Variants in STARD6 observed in about 807,000 individuals in gnomAD.
STARD6 encodes the protein StAR related lipid transfer domain containing 6.
STARD6 carries 21 observed loss-of-function variants against 22.3 expected under a neutral mutation model. That is an observed-to-expected ratio of 0.94 (90% CI 0.67 to 1.35). The LOEUF (loss-of-function observed/expected upper bound fraction) is 1.35, where lower values mean the gene tolerates loss of function less well. STARD6 is among the 40% of genes most tolerant of loss of function. The pLI, the probability that STARD6 is intolerant of heterozygous loss-of-function variation, is 0.00. For synonymous variants in STARD6, 80 were observed against 88.1 expected, an observed-to-expected ratio of 0.91 and a Z score of 0.52; for missense variants, 269 against 266.9, an observed-to-expected ratio of 1.01 and a Z score of -0.05.
At chr18:54,357,584 G>C (rs2089166038) in intron 1 of STARD6, among the ~76,000 whole-genome samples, 1 of 152,174 alleles carries the variant, frequency 6.6e-6, no homozygotes, top group African/African-American at 2.4e-5. Flanking sequence ...TCAGCGACCG[G>C]AACGACAGCC....
intron 4 of STARD6, among the ~76,000 whole-genome samples, chr18:54,352,804 C>A (rs2089110267): frequency 6.6e-6 from 1 of 152,140 alleles, no homozygotes; most frequent in Non-Finnish European, 1.5e-5. Context: ...GTATAGCACT[C>A]TCTAAATAAA....
chr18:54,329,459 T>C lies in STARD6; in HGVS notation c.386-19A>G. ...CTTTTAGCTAAGAGATTTTAAAAAATTAAAATGAAACCTATTCACAAAGAG... is the reference window on the plus strand; with the variant it reads ...CTTTTAGCTAAGAGATTTTAAAAAACTAAAATGAAACCTATTCACAAAGAG... On this transcript the variant is annotated intron_variant, in intron 6 of 7. Transcript: ENST00000307844. 3.8e-6 allele frequency: 6 copies of C among 1,564,318 alleles called. No individual in the cohort carries two copies. The highest frequency in any genetic ancestry group is 5.2e-6 in the Non-Finnish European group (6 of 1,155,054).
intron 4 of STARD6, among the ~76,000 whole-genome samples, chr18:54,338,951 G>A (rs1397349416): frequency 2.7e-5 from 4 of 149,850 alleles, no homozygotes; most frequent in South Asian, 4.3e-4. Context: ...GGGAGGCTGA[G>A]GCAGGAGAAT....
chr18:54,352,131 T>C (rs961938857), intron 4 of STARD6, among the ~76,000 whole-genome samples: 6 of 149,180 alleles, frequency 4.0e-5, no homozygotes, highest in Admixed American at 4.0e-4. Context: ...TTGTTTTTGT[T>C]TTTTTTTTTC....
rs1164704776 is a variant in STARD6 at position 54,331,913 on chromosome 18, G to A, written c.268-54C>T. 5 of 1,284,706 alleles carry A rather than the reference G, an allele frequency of 3.9e-6. No individual in the cohort carries two copies. The Admixed American group carries it at 9.7e-5, about 25-fold the overall frequency. The allele number at this position is 1,284,706 out of a possible 1,614,324, so 79.6% of individuals were successfully genotyped here. ...AAACGTTACTTAATATCTATTCTTT[G>A]TATTGTTTCCCCCCCAAATTTTATT... On this transcript the variant is annotated intron_variant, in intron 5 of 7. Coordinates refer to ENST00000307844, the MANE Select transcript of STARD6 (RefSeq NM_139171.2).
chr18:54,340,419 A>G (rs1041475538), intron 4 of STARD6, among the ~76,000 whole-genome samples: 1 of 152,194 alleles, frequency 6.6e-6, no homozygotes, highest in Non-Finnish European at 1.5e-5. Context: ...TAGTTCAAAA[A>G]ATTATTAAAG....
intron 4 of STARD6, among the ~76,000 whole-genome samples, chr18:54,341,020 T>C (rs753732036): frequency 1.5e-4 from 23 of 152,198 alleles, no homozygotes; most frequent in Non-Finnish European, 3.2e-4. Flanking sequence ...GAGAAATAGA[T>C]AATTTCACAA....
At chr18:54,327,728 T>C (rs1045474736) in intron 7 of STARD6, among the ~76,000 whole-genome samples, 3 of 152,156 alleles carry the variant, frequency 2.0e-5, no homozygotes, top group African/African-American at 7.2e-5. Flanking sequence ...AATATAGTTT[T>C]ATAAAATTTT....
intron 4 of STARD6, among the ~76,000 whole-genome samples, chr18:54,340,363 A>G (rs1361158943): frequency 6.6e-6 from 1 of 152,172 alleles, no homozygotes; most frequent in Non-Finnish European, 1.5e-5. Flanking sequence ...GAATTAAAAT[A>G]TATTGTAGCC....
At chr18:54,344,827 G>T (rs2089020482) in intron 4 of STARD6, among the ~76,000 whole-genome samples, 1 of 152,086 alleles carries the variant, frequency 6.6e-6, no homozygotes, top group Admixed American at 6.5e-5. Context: ...TGTGGAAAAA[G>T]CATACGACAA....
chr18:54,355,562 A>G (rs531619728), intron 2 of STARD6, among the ~76,000 whole-genome samples: 1 of 152,288 alleles, frequency 6.6e-6, no homozygotes, highest in African/African-American at 2.4e-5. Flanking sequence ...GCCAGAAGTT[A>G]GCAGTCTGCA....
At chr18:54,336,327 T>C (rs1203370156) in intron 5 of STARD6, among the ~76,000 whole-genome samples, 1 of 152,154 alleles carries the variant, frequency 6.6e-6, no homozygotes, top group African/African-American at 2.4e-5. Context: ...AATCCCCACA[T>C]GTCAAGGGCA....
chr18:54,326,291 A>T (rs983930930), intron 7 of STARD6, among the ~76,000 whole-genome samples: 1 of 151,042 alleles, frequency 6.6e-6, no homozygotes, highest in Non-Finnish European at 1.5e-5. Flanking sequence ...TTTCAGTAAA[A>T]CTTAAGGATC....
intron 4 of STARD6, among the ~76,000 whole-genome samples, chr18:54,344,583 T>TAAAAAAAAAA (rs55736082): frequency 6.1e-4 from 57 of 94,034 alleles, no homozygotes; most frequent in Non-Finnish European, 7.7e-4. Flanking sequence ...AAAAATAAAT[T>TAAAAAAAAAA]AAAAAAAAAA....
At chr18:54,330,894 C>T (rs997358370) in intron 6 of STARD6, among the ~76,000 whole-genome samples, 6 of 151,940 alleles carry the variant, frequency 3.9e-5, no homozygotes, top group South Asian at 4.1e-4. Context: ...AATGAGACAA[C>T]GAAACATATA....
intron 4 of STARD6, among the ~76,000 whole-genome samples, chr18:54,346,259 A>T (rs2089032996): frequency 6.6e-6 from 1 of 152,166 alleles, no homozygotes; most frequent in Non-Finnish European, 1.5e-5. Flanking sequence ...GTTTGGATAA[A>T]TATTTATCTA....
intron 4 of STARD6, among the ~76,000 whole-genome samples, chr18:54,352,126 T>A (rs1787827): frequency 0.066 from 10,028 of 151,376 alleles, 380 homozygotes; most frequent in African/African-American, 0.088. Context: ...GCTACTTGTT[T>A]TTGTTTTTTT....
chr18:54,357,613 C>T (rs2089166950), intron 1 of STARD6, among the ~76,000 whole-genome samples, 179 bp downstream of exon 1: 2 of 152,180 alleles, frequency 1.3e-5, no homozygotes. Flanking sequence ...CCTTAAGTCT[C>T]CCTCCCCACC....
intron 7 of STARD6, among the ~76,000 whole-genome samples, chr18:54,325,331 G>T (rs2088816628): frequency 6.6e-6 from 1 of 151,852 alleles, no homozygotes; most frequent in Non-Finnish European, 1.5e-5. Flanking sequence ...TTTTTTAATG[G>T]AGATATTTTT....
Sources: allele counts gnomAD v4.1 joint callset (sites outside exome capture counted in the v4.1 genomes callset), GRCh38; gene constraint gnomAD v4.1.1; transcripts MANE v1.5; gene names NCBI Gene and HGNC (gene_info 2026-07-23, HGNC 2026-07-21).